The following RUNX2 variants were observed in gnomAD, a reference collection of about 807,000 sequenced individuals.
RUNX2 encodes the protein runt-related transcription factor 2.
In RUNX2, 10 loss-of-function variants were observed where a neutral mutation model predicts 51.7. The observed-to-expected ratio is 0.19, with a 90% CI of 0.12 to 0.33. The LOEUF is 0.33. RUNX2 is among the 10% of genes least tolerant of loss of function. The pLI is 1.00. For synonymous variants in RUNX2, 276 were observed against 273.6 expected, an observed-to-expected ratio of 1.01 and a Z score of -0.09; for missense variants, 562 against 691.3, an observed-to-expected ratio of 0.81 and a Z score of 2.10.
intron 2 of RUNX2, among the ~76,000 whole-genome samples, chr6:45,370,617 A>G (rs1279709058): frequency 6.6e-6 from 1 of 152,230 alleles, no homozygotes; most frequent in Non-Finnish European, 1.5e-5. Flanking sequence ...TTTCTCTGTC[A>G]GGAATAATTT....
chr6:45,358,926 G>A (rs2150236633), intron 2 of RUNX2, among the ~76,000 whole-genome samples: 1 of 152,162 alleles, frequency 6.6e-6, no homozygotes, highest in Admixed American at 6.5e-5. Context: ...GTGATAATCA[G>A]CAATTATACT....
intron 7 of RUNX2, among the ~76,000 whole-genome samples, chr6:45,516,459 A>AGTTT (rs1284643891): frequency 6.6e-6 from 1 of 152,252 alleles, no homozygotes; most frequent in East Asian, 1.9e-4. Context: ...AAACCAGTCT[A>AGTTT]GTGATGTTAC....
At chr6:45,381,319 A>C (rs563708239) in intron 2 of RUNX2, among the ~76,000 whole-genome samples, 1 of 152,344 alleles carries the variant, frequency 6.6e-6, no homozygotes, top group South Asian at 2.1e-4. Flanking sequence ...TACAGCCCTA[A>C]AATTCTATGT....
intron 5 of RUNX2, among the ~76,000 whole-genome samples, chr6:45,445,132 C>T (rs1798954978): frequency 6.6e-6 from 1 of 152,126 alleles, no homozygotes; most frequent in African/African-American, 2.4e-5. Flanking sequence ...TCAAGCGATT[C>T]TCCTGCCTCA....
intron 5 of RUNX2, among the ~76,000 whole-genome samples, chr6:45,485,669 A>ATGTG (rs1229585406): frequency 1.1e-4 from 13 of 119,308 alleles, no homozygotes; most frequent in African/African-American, 3.8e-4. Context: ...GTGCATGGAT[A>ATGTG]TGTATGTGTG....
chr6:45,518,090 A>C (rs1801388356), intron 7 of RUNX2, among the ~76,000 whole-genome samples: 1 of 152,220 alleles, frequency 6.6e-6, no homozygotes, highest in South Asian at 2.1e-4. Context: ...AACCATAATA[A>C]AACACTAGAG....
At chr6:45,544,548 T>C (rs1056261190) in intron 7 of RUNX2, among the ~76,000 whole-genome samples, 12 of 152,240 alleles carry the variant, frequency 7.9e-5, no homozygotes, top group Non-Finnish European at 2.9e-5. Context: ...TACATTAACA[T>C]GTCTATCTGT....
At chr6:45,467,783 C>T (rs929749626) in intron 5 of RUNX2, among the ~76,000 whole-genome samples, 1 of 152,168 alleles carries the variant, frequency 6.6e-6, no homozygotes, top group African/African-American at 2.4e-5. Flanking sequence ...TCATTCTAGC[C>T]GTCTTCAATG....
chr6:45,367,515 T>C (rs1051986862), intron 2 of RUNX2, among the ~76,000 whole-genome samples: 1 of 151,826 alleles, frequency 6.6e-6, no homozygotes, highest in African/African-American at 2.4e-5. Flanking sequence ...AGGACTTCCC[T>C]AAATAGTCCT....
Position 45,422,371 on chromosome 6 carries a change from G to A in RUNX2, c.59-222G>A, listed in dbSNP as rs1247312821. On this transcript the variant is annotated intron_variant, in intron 2 of 8. Coordinates refer to ENST00000647337, the MANE Select transcript of RUNX2 (RefSeq NM_001024630.4). ...CCCGGGTCTCCCTACCCGCCAGCCC[G>A]ACTGCGCCGCATCGCCAGACTCTGT... 2.1e-5 allele frequency: 11 copies of A among 530,272 alleles called. 1 individual carries two copies. The Admixed American group carries it at 2.3e-4, about 11-fold the overall frequency. 32.8% of individuals were successfully genotyped at this position (530,272 alleles called of 1,614,324 possible). A position where few individuals can be genotyped will look rare whatever the true frequency, so the allele number is the denominator to read the frequency against.
At chr6:45,478,877 TTTTTC>T (rs536305366) in intron 5 of RUNX2, among the ~76,000 whole-genome samples, 4 of 152,096 alleles carry the variant, frequency 2.6e-5, no homozygotes, top group South Asian at 4.1e-4. Flanking sequence ...ACAGACTTTT[TTTTTC>T]TTTTCTTTTC....
intron 2 of RUNX2, among the ~76,000 whole-genome samples, chr6:45,336,717 T>A (rs1184029011): frequency 6.6e-6 from 1 of 151,366 alleles, no homozygotes; most frequent in Non-Finnish European, 1.5e-5. Context: ...TAATAAAGTA[T>A]TTACTTACAA....
chr6:45,375,736 C>A (rs1027757939), intron 2 of RUNX2, among the ~76,000 whole-genome samples: 8 of 151,834 alleles, frequency 5.3e-5, no homozygotes, highest in African/African-American at 1.9e-4. Flanking sequence ...AGACATCAGG[C>A]CAAGGTTAAG....
chr6:45,422,075 T>C (rs886270612), intron 2 of RUNX2: 8 of 147,282 alleles, frequency 5.4e-5, no homozygotes, highest in South Asian at 2.1e-4. Flanking sequence ...CGCGGCCGCC[T>C]GCAGCTGGGT....
chr6:45,485,716 T>TATATATATAC (rs1554394671), intron 5 of RUNX2, among the ~76,000 whole-genome samples: 3,299 of 125,834 alleles, frequency 0.026, 82 homozygotes, highest in Non-Finnish European at 0.036. Context: ...TATATATATA[T>TATATATATAC]ACACATATTT....
intron 5 of RUNX2, among the ~76,000 whole-genome samples, chr6:45,445,433 T>C (rs879693268): frequency 2.6e-5 from 4 of 152,222 alleles, no homozygotes; most frequent in Non-Finnish European, 5.9e-5. Flanking sequence ...TATTTGATTC[T>C]TCTGGACACA....
Position 45,550,042 on chromosome 6 carries a change from G to A in RUNX2, c.*2737G>A, listed in dbSNP as rs1802519708. The A allele has an allele frequency of 6.7e-6, 1 of 149,092 alleles. No individual in the cohort carries two copies. The highest frequency in any genetic ancestry group is 1.5e-5 in the Non-Finnish European group (1 of 67,464). The allele number at this position is 149,092 out of a possible 1,614,324, so 9.2% of individuals were successfully genotyped here. A position where few individuals can be genotyped will look rare whatever the true frequency, so the allele number is the denominator to read the frequency against. ...TCACTGAACCCTTAATTTGCACTGG[G>A]TCATGTGTTTGATTTGTGATTTCAA... is the stretch of plus-strand genomic sequence containing the variant. On this transcript the variant is annotated 3_prime_UTR_variant, in exon 9 of 9. Coordinates refer to ENST00000647337, the MANE Select transcript of RUNX2 (RefSeq NM_001024630.4).
intron 2 of RUNX2, among the ~76,000 whole-genome samples, chr6:45,349,587 G>C (rs1376876936): frequency 6.6e-6 from 1 of 152,192 alleles, no homozygotes; most frequent in Non-Finnish European, 1.5e-5. Flanking sequence ...AGGCTCTCAG[G>C]TGATTCTAAT....
At chr6:45,375,400 A>C (rs1796639976) in intron 2 of RUNX2, among the ~76,000 whole-genome samples, 1 of 152,226 alleles carries the variant, frequency 6.6e-6, no homozygotes, top group East Asian at 1.9e-4. Context: ...CGACTGTCTC[A>C]GAAAAATTAA....
Sources: allele counts gnomAD v4.1 joint callset (sites outside exome capture counted in the v4.1 genomes callset), GRCh38; gene constraint gnomAD v4.1.1; transcripts MANE v1.5; gene names NCBI Gene and HGNC (gene_info 2026-07-23, HGNC 2026-07-21).